Variants in CRACD observed in about 807,000 individuals in gnomAD.
CRACD encodes capping protein-inhibiting regulator of actin dynamics.
CRACD carries 56 observed loss-of-function variants against 106.8 expected under a neutral mutation model. The observed-to-expected ratio is 0.52, with a 90% CI of 0.42 to 0.66. CRACD has a LOEUF of 0.66. Ranked by LOEUF, CRACD falls within the 30% of genes least tolerant of loss-of-function variation. CRACD has a pLI of 0.00. For missense variants in CRACD, 1,730 were observed against 1,623.2 expected, an observed-to-expected ratio of 1.07 and a Z score of -1.13; for synonymous variants, 754 against 670.8, an observed-to-expected ratio of 1.12 and a Z score of -1.92.
At position 56,324,151 on chromosome 4, in the gene CRACD, T is replaced by C; in HGVS notation, c.3426T>C (p.Gly1142=). ...QPGSSSVSRA[G]SLHKSTALPE... is the part of the protein sequence containing the mutation. ...GAAGCAGCAGTGTCAGCAGAGCAGG[T>C]TCCCTGCACAAGTCCACTGCTCTGC... Residue 1142 remains glycine, a synonymous_variant, in exon 10 of 11, where the codon GGT becomes GGC. Transcript: ENST00000682029. 6.2e-7 allele frequency: 1 copy of C among 1,614,134 alleles called. No homozygotes were observed. The highest frequency in any genetic ancestry group is 2.2e-5 in the East Asian group (1 of 44,886).
chr4:56,073,780 T>C (rs982042512), intron 1 of CRACD, among the ~76,000 whole-genome samples: 1 of 130,492 alleles, frequency 7.7e-6, no homozygotes, highest in Non-Finnish European at 1.6e-5. Flanking sequence ...CCTTTGCCCA[T>C]GCCTATGTCC....
Position 56,132,283 on chromosome 4 carries a change from G to A in CRACD, c.-335-47001G>A, listed in dbSNP as rs147742550. On this transcript the variant is annotated intron_variant, in intron 1 of 10. Coordinates refer to ENST00000682029, the MANE Select transcript of CRACD (RefSeq NM_001393381.1). The stretch of plus-strand genomic sequence containing the variant: ...TCGAACTTCTGGGGTCAAGCGACCC[G>A]CCCACCTTGGCCTCTCAAAGTGCTG... Among the ~76,000 whole-genome samples, 797 of 152,134 alleles carry A rather than the reference G, an allele frequency of 5.2e-3. 12 individuals carry two copies. The highest frequency in any genetic ancestry group is 0.018 in the African/African-American group (755 of 41,494).
chr4:56,064,101 A>T lies in CRACD; in HGVS notation c.-336+14802A>T, dbSNP rs79076438. ...ATTTGCAGTTCCCTGATGACTAATG[A>T]TGTTGGCATATTTTTGTGTGCTTAT... On this transcript the variant is annotated intron_variant, in intron 1 of 10. Coordinates refer to ENST00000682029, the MANE Select transcript of CRACD (RefSeq NM_001393381.1). Among the ~76,000 whole-genome samples the T allele has an allele frequency of 6.9e-3, 1,045 of 152,238 alleles. 9 individuals carry two copies. Among genetic ancestry groups the T allele is most frequent in the African/African-American group, 0.024 (997 of 41,540 alleles).
intron 1 of CRACD, among the ~76,000 whole-genome samples, chr4:56,176,853 C>A (rs1736604755): frequency 6.6e-6 from 1 of 152,102 alleles, no homozygotes; most frequent in Non-Finnish European, 1.5e-5. Flanking sequence ...TTCTAGATTT[C>A]TTTTCCAGAT....
In CRACD at chr4:56,172,274, T is replaced by C. The variant is rs971867847; in HGVS notation, c.-335-7010T>C. 2.6e-5 allele frequency among the ~76,000 whole-genome samples: 4 copies of C among 152,244 alleles called. No homozygotes were observed. In the East Asian group the frequency reaches 7.7e-4, roughly 29 times the overall value. On this transcript the variant is annotated intron_variant, in intron 1 of 10. Transcript: ENST00000682029. ...ACCACATTGTATTTGCCTGAAAAAC[T>C]GAAGCCATCTTGATGGGAACCTAAT...
chr4:56,136,566 G>A (rs2109871639), intron 1 of CRACD, among the ~76,000 whole-genome samples: 1 of 152,234 alleles, frequency 6.6e-6, no homozygotes, highest in Non-Finnish European at 1.5e-5. Context: ...TTGATAAAGT[G>A]TCAAGTCTTT....
At chr4:56,053,368 T>A (rs1366615890) in intron 1 of CRACD, among the ~76,000 whole-genome samples, 2 of 152,192 alleles carry the variant, frequency 1.3e-5, no homozygotes, top group African/African-American at 4.8e-5. Flanking sequence ...GTAGCAGTAT[T>A]TTAATTTTAA....
chr4:56,316,426 C>T lies in CRACD; in HGVS notation c.2924C>T (p.Ser975Phe). 1 of 1,614,170 alleles carries T rather than the reference C, an allele frequency of 6.2e-7. No individual in the cohort carries two copies. Among genetic ancestry groups the T allele is most frequent in the Non-Finnish European group, 8.5e-7 (1 of 1,179,984 alleles). Residue 975 changes from serine (S) to phenylalanine (F), a missense_variant, in exon 8 of 11, where the codon TCC becomes TTC. Transcript: ENST00000682029. ...CCCACCAGTCAGACCCCACCAGCAT[C>T]CCCACTTTCCAAACTGAGCAGGCCC... ...PKPTSQTPPA[S>F]PLSKLSRPYL...
chr4:56,094,291 T>C (rs992765702), intron 1 of CRACD, among the ~76,000 whole-genome samples: 2 of 152,222 alleles, frequency 1.3e-5, no homozygotes, highest in Non-Finnish European at 2.9e-5. Flanking sequence ...ATTATTTTAA[T>C]GTTTATGATG....
chr4:56,262,730 T>G (rs1441282738), intron 2 of CRACD, among the ~76,000 whole-genome samples: 2 of 152,200 alleles, frequency 1.3e-5, no homozygotes, highest in Non-Finnish European at 2.9e-5. Context: ...TGTAGAGCAT[T>G]AAGAGATCAC....
Position 56,314,671 on chromosome 4 carries a change from G to C in CRACD, c.1169G>C (p.Gly390Ala). 1 of 1,550,232 alleles carries C rather than the reference G, an allele frequency of 6.5e-7. No individual in the cohort carries two copies. The highest frequency in any genetic ancestry group is 1.2e-5 in the South Asian group (1 of 84,038). Residue 390 changes from glycine (G) to alanine (A), a missense_variant, in exon 8 of 11, where the codon GGG becomes GCG. Gly to Ala is a moderately conservative substitution (Grantham distance 60). Around this residue, in one of 5 missense-constraint regions of CRACD, gnomAD observed 1,620 missense variants for 1,481.6 expected, o/e 1.09. Coordinates refer to ENST00000682029, the MANE Select transcript of CRACD (RefSeq NM_001393381.1). This position sits in a 1 kb window ranked among gnomAD's most constrained non-coding sequence, Gnocchi z 4.4. ...CCGCCCGAGGCGTTGGAGGAGACTGGGGAGGGCCGGCGGGGCGCGGAGGAG... is the reference window on the plus strand; with the variant it reads ...CCGCCCGAGGCGTTGGAGGAGACTGCGGAGGGCCGGCGGGGCGCGGAGGAG... ...QGPPEALEETGEGRRGAEEED... is the reference protein window; with the variant it reads ...QGPPEALEETAEGRRGAEEED...
At position 56,315,602 on chromosome 4, in the gene CRACD, G is replaced by A; in HGVS notation, c.2100G>A (p.Arg700=). 1 of 1,614,170 alleles carries A rather than the reference G, an allele frequency of 6.2e-7. No homozygotes were observed. Among genetic ancestry groups the A allele is most frequent in the Non-Finnish European group, 8.5e-7 (1 of 1,180,038 alleles). ...GGCCCGGTGATGAGTCCACTCCCAG[G>A]GGCCGGTGTGATTCCCGCGGGAACC... The part of the protein sequence containing the change: ...QLRPGDESTP[R]GRCDSRGNQR... The change falls in exon 8 of 11, where the codon AGG becomes AGA. Residue 700 remains arginine (R), a synonymous_variant. Coordinates refer to ENST00000682029, the MANE Select transcript of CRACD (RefSeq NM_001393381.1). The surrounding 1 kb of genome is among the most constrained non-coding windows in gnomAD (Gnocchi z 4.1).
intron 1 of CRACD, among the ~76,000 whole-genome samples, chr4:56,123,342 A>G (rs1387871148): frequency 2.0e-5 from 3 of 152,178 alleles, no homozygotes; most frequent in East Asian, 1.9e-4. Context: ...GTGCTGACCT[A>G]TTTAGTTTGT....
chr4:56,065,387 A>C (rs927438516), intron 1 of CRACD, among the ~76,000 whole-genome samples: 7 of 152,118 alleles, frequency 4.6e-5, no homozygotes, highest in African/African-American at 1.7e-4. Flanking sequence ...TGCGCCCAGC[A>C]CCATGAGTCT....
At chr4:56,149,646 A>G (rs1280906785) in intron 1 of CRACD, among the ~76,000 whole-genome samples, 1 of 152,226 alleles carries the variant, frequency 6.6e-6, no homozygotes, top group Non-Finnish European at 1.5e-5. Context: ...TTTTTGTTCA[A>G]AGTATAGTAC....
At chr4:56,298,503 T>C (rs746651149) in intron 4 of CRACD, among the ~76,000 whole-genome samples, 154 bp downstream of exon 4, 7 of 152,148 alleles carry the variant, frequency 4.6e-5, no homozygotes, top group Admixed American at 1.3e-4. Context: ...TCAACTGTAT[T>C]CTCTGGAAAC....
chr4:56,315,562 A>G lies in CRACD; in HGVS notation c.2060A>G (p.Glu687Gly). The G allele has an allele frequency of 6.2e-7, 1 of 1,614,112 alleles. No homozygotes were observed. The highest frequency in any genetic ancestry group is 8.5e-7 in the Non-Finnish European group (1 of 1,180,016). The change falls in exon 8 of 11, where the codon GAG becomes GGG. Residue 687 changes from glutamate to glycine, a missense_variant. Around this residue, in one of 5 missense-constraint regions of CRACD, gnomAD observed 1,620 missense variants for 1,481.6 expected, o/e 1.09. Coordinates refer to ENST00000682029, the MANE Select transcript of CRACD (RefSeq NM_001393381.1). The surrounding 1 kb of genome is among the most constrained non-coding windows in gnomAD (Gnocchi z 4.1). ...KNAESDPRSS[E>G]RDQLRPGDES... ...GCAGAGAGTGACCCGCGCAGCAGCG[A>G]GAGGGACCAGTTGAGGCCCGGTGAT... is the stretch of plus-strand genomic sequence containing the variant.
chr4:56,288,765 A>G (rs1743526336), intron 3 of CRACD, among the ~76,000 whole-genome samples: 1 of 152,204 alleles, frequency 6.6e-6, no homozygotes, highest in South Asian at 2.1e-4. Context: ...AGCCGTGTCT[A>G]CACATAGATA....
rs185619354 is a variant in CRACD at position 56,083,566 on chromosome 4, C to G, written c.-336+34267C>G. Among the ~76,000 whole-genome samples, 5 of 152,184 alleles carry G rather than the reference C, an allele frequency of 3.3e-5. No individual in the cohort carries two copies. The East Asian group carries it at 9.7e-4, about 29-fold the overall frequency. On this transcript the variant is annotated intron_variant, in intron 1 of 10. Coordinates refer to ENST00000682029, the MANE Select transcript of CRACD (RefSeq NM_001393381.1). ...AATTTCTTGATGTCATAAATAGGCT[C>G]TATTTAGAATAGAAAAACACTTCAC...
Sources: gnomAD v4.1 joint callset for allele counts (sites outside exome capture counted in the v4.1 genomes callset) on GRCh38, gnomAD v4.1.1 for gene constraint, gnomAD v4.1.1 regional missense constraint, Gnocchi (gnomAD v3.1) non-coding constraint, MANE v1.5 for transcripts, NCBI Gene and HGNC (gene_info 2026-07-23, HGNC 2026-07-21) for gene names.